Variants in KALRN observed in about 807,000 individuals in gnomAD.
KALRN encodes the protein kalirin.
KALRN carries 70 observed loss-of-function variants against 353.7 expected under a neutral mutation model. The observed-to-expected ratio is 0.20, with a 90% CI of 0.16 to 0.24. KALRN has a LOEUF of 0.24. Ranked by LOEUF, KALRN falls within the 10% of genes least tolerant of loss-of-function variation. The pLI is 1.00. For missense variants in KALRN, 2,791 were observed against 3,756.7 expected (o/e 0.74, Z 6.72); for synonymous variants, 1,391 against 1,434.8 (o/e 0.97, Z 0.69).
intron 7 of KALRN, among the ~76,000 whole-genome samples, chr3:124,327,376 T>C (rs1441549821): frequency 6.6e-6 from 1 of 152,156 alleles, no homozygotes; most frequent in Admixed American, 6.5e-5. Context: ...CTCCTTAACA[T>C]AGTGAAAATA....
Position 124,133,362 on chromosome 3 carries a change from T to C in KALRN, c.74-94628T>C, listed in dbSNP as rs76587941. 6.8e-4 allele frequency among the ~76,000 whole-genome samples: 104 copies of C among 152,220 alleles called. No homozygotes were observed. The South Asian group carries it at 0.014, about 20-fold the overall frequency. ...CACCTCAAAAAAACACAACACAAGG[T>C]TTGTCTATTAAGTAATGAAACAGTT... On this transcript the variant is annotated intron_variant, in intron 1 of 59. Transcript: ENST00000682506.
chr3:124,349,921 C>G (rs2082675073), intron 10 of KALRN, among the ~76,000 whole-genome samples: 1 of 152,128 alleles, frequency 6.6e-6, no homozygotes, highest in Non-Finnish European at 1.5e-5. Flanking sequence ...CCCCTGACTG[C>G]TGAGAGTGGA....
At chr3:124,636,398 C>T (rs1261924386) in intron 36 of KALRN, among the ~76,000 whole-genome samples, 1 of 152,172 alleles carries the variant, frequency 6.6e-6, no homozygotes, top group South Asian at 2.1e-4. Flanking sequence ...AGCCCCAAAC[C>T]ATTGACCACA....
At chr3:124,485,474 T>C (rs1286696832) in intron 28 of KALRN, among the ~76,000 whole-genome samples, 2 of 152,226 alleles carry the variant, frequency 1.3e-5, no homozygotes, top group Non-Finnish European at 2.9e-5. Context: ...TCTGGACCTT[T>C]GTTCGGGAAT....
rs200600368 is a variant in KALRN, at chr3:124,699,937, C to T, written c.7900C>T (p.Pro2634Ser). 5 of 1,614,188 alleles carry T rather than the reference C, an allele frequency of 3.1e-6. No individual in the cohort carries two copies. Among genetic ancestry groups the T allele is most frequent in the Non-Finnish European group, 4.2e-6 (5 of 1,180,014 alleles). The change falls in exon 56 of 60, where the codon CCC (proline) becomes TCC (serine). Residue 2634 changes from proline (P) to serine (S), a missense_variant. Around this residue, in one of 11 missense-constraint regions of KALRN, gnomAD observed 1,065 missense variants for 1,156.4 expected, o/e 0.92. Transcript: ENST00000682506. ...DTYLVIEDLSPGCPYQFRVSA... is the reference protein window; with the variant it reads ...DTYLVIEDLSSGCPYQFRVSA... Reference sequence around the variant, plus strand: ...TTACCTCGTCATCGAAGACCTTAGTCCCGGGTGTCCTTATCAGTTCAGAGT... The same window carrying T: ...TTACCTCGTCATCGAAGACCTTAGTTCCGGGTGTCCTTATCAGTTCAGAGT...
At chr3:124,653,768 A>G (rs1206306753) in intron 38 of KALRN, among the ~76,000 whole-genome samples, 2 of 152,248 alleles carry the variant, frequency 1.3e-5, no homozygotes, top group Non-Finnish European at 2.9e-5. Flanking sequence ...TGGACCAAAG[A>G]ATAACATTTG....
At chr3:124,523,887 G>A (rs1452650481) in intron 33 of KALRN, among the ~76,000 whole-genome samples, 1 of 152,210 alleles carries the variant, frequency 6.6e-6, no homozygotes, top group Non-Finnish European at 1.5e-5. Context: ...TGACTATCCA[G>A]CAGCCCAAGG....
At chr3:124,403,450 G>A (rs1276114637) in intron 13 of KALRN, among the ~76,000 whole-genome samples, 3 of 152,134 alleles carry the variant, frequency 2.0e-5, no homozygotes, top group African/African-American at 7.2e-5. Flanking sequence ...CCACCTTTAT[G>A]GTTTTTCTTT....
At chr3:124,127,584 C>T (rs755165694) in intron 1 of KALRN, among the ~76,000 whole-genome samples, 3 of 152,144 alleles carry the variant, frequency 2.0e-5, no homozygotes, top group Non-Finnish European at 2.9e-5. Flanking sequence ...TCTTAGAGTC[C>T]ATTTAGTCTA....
chr3:124,136,530 T>C (rs1385557532), intron 1 of KALRN, among the ~76,000 whole-genome samples: 5 of 152,188 alleles, frequency 3.3e-5, no homozygotes, highest in African/African-American at 9.7e-5. Context: ...AATACTGGCC[T>C]ACCAGGTAGC....
chr3:124,133,350 C>A (rs2065534429), intron 1 of KALRN, among the ~76,000 whole-genome samples: 1 of 152,046 alleles, frequency 6.6e-6, no homozygotes, highest in African/African-American at 2.4e-5. Flanking sequence ...CTCAAAAAAA[C>A]ACAACACAAG....
Position 124,413,598 on chromosome 3 carries a change from C to G in KALRN, c.2475C>G (p.Asn825Lys). The G allele has an allele frequency of 6.2e-7, 1 of 1,614,138 alleles. No homozygotes were observed. Among genetic ancestry groups the G allele is most frequent in the Non-Finnish European group, 8.5e-7 (1 of 1,180,020 alleles). Residue 825 changes from asparagine to lysine, a missense_variant, in exon 14 of 60, where the codon AAC becomes AAG. Asn to Lys is a moderately conservative substitution (Grantham distance 94). This residue lies in a region of KALRN where 452 missense variants were observed against 575.8 expected (regional missense o/e 0.78). Coordinates refer to ENST00000682506, the MANE Select transcript of KALRN (RefSeq NM_001388419.1). ...RHTERKLAMN[N>K]MTFEVIQQGQ... ...CAGAACGGAAGCTAGCCATGAACAA[C>G]ATGACCTTTGAGGTTATCCAGCAGG... is the stretch of plus-strand genomic sequence containing the variant.
chr3:124,449,959 G>C (rs1295354013), intron 21 of KALRN, among the ~76,000 whole-genome samples: 1 of 152,114 alleles, frequency 6.6e-6, no homozygotes, highest in African/African-American at 2.4e-5. Context: ...ATGGACATTT[G>C]GGTTGTTTCT....
rs550603503 is a variant in KALRN, at chr3:124,065,035, T to C, written c.73+31222T>C. Among the ~76,000 whole-genome samples the C allele has an allele frequency of 2.6e-5, 4 of 152,336 alleles. No individual in the cohort carries two copies. The South Asian group carries it at 8.3e-4, about 32-fold the overall frequency. On this transcript the variant is annotated intron_variant, in intron 1 of 59. Coordinates refer to ENST00000682506, the MANE Select transcript of KALRN (RefSeq NM_001388419.1). ...TTGTTTACTTGTGTCTCTCACATGG[T>C]CTTGGCTACAGTGGGGCAGGAGCTA...
Position 124,477,350 on chromosome 3 carries a change from C to T in KALRN, c.4191+16C>T. ...CTTCTTTGATGTAAGCTGTGTTTTC[C>T]ATTCTTGAGCAGCTGATGAGCAGGT... On this transcript the variant is annotated intron_variant, in intron 27 of 59. Coordinates refer to ENST00000682506, the MANE Select transcript of KALRN (RefSeq NM_001388419.1). 1 of 1,575,650 alleles carries T rather than the reference C, an allele frequency of 6.3e-7. No homozygotes were observed. Among genetic ancestry groups the T allele is most frequent in the South Asian group, 1.1e-5 (1 of 89,992 alleles).
chr3:124,051,364 G>A (rs1183642510), intron 1 of KALRN, among the ~76,000 whole-genome samples: 1 of 152,152 alleles, frequency 6.6e-6, no homozygotes, highest in Non-Finnish European at 1.5e-5. Context: ...AGTGGGTCTG[G>A]TTTCTCCTTA....
intron 51 of KALRN, among the ~76,000 whole-genome samples, chr3:124,681,568 A>C (rs1225920729): frequency 2.6e-5 from 4 of 151,372 alleles, no homozygotes; most frequent in Non-Finnish European, 5.9e-5. Flanking sequence ...CAATATCCCC[A>C]GTATGTGTGG....
At chr3:124,682,888 C>G (rs2061403400) in intron 51 of KALRN, among the ~76,000 whole-genome samples, 1 of 152,148 alleles carries the variant, frequency 6.6e-6, no homozygotes, top group African/African-American at 2.4e-5. Flanking sequence ...ACTCCTACTC[C>G]CAGCAGTACA....
At chr3:124,478,306 T>C (rs2061618872) in intron 27 of KALRN, among the ~76,000 whole-genome samples, 1 of 152,202 alleles carries the variant, frequency 6.6e-6, no homozygotes, top group South Asian at 2.1e-4. Flanking sequence ...TCATAAATAT[T>C]TGGATGTCTA....
Sources: gnomAD v4.1 joint callset for allele counts (sites outside exome capture counted in the v4.1 genomes callset) on GRCh38, gnomAD v4.1.1 for gene constraint, gnomAD v4.1.1 regional missense constraint, MANE v1.5 for transcripts, NCBI Gene and HGNC (gene_info 2026-07-23, HGNC 2026-07-21) for gene names.